The following IGSF11 variants were observed in gnomAD, a reference collection of about 807,000 sequenced individuals.
The protein encoded by IGSF11 is CXADR like 1.
In IGSF11, 22 loss-of-function variants were observed where a neutral mutation model predicts 41.0. That is an observed-to-expected ratio of 0.54 (90% CI 0.38 to 0.77). The LOEUF (loss-of-function observed/expected upper bound fraction) is 0.77, where lower values mean the gene tolerates loss of function less well. Ranked by LOEUF, IGSF11 falls within the 30% of genes least tolerant of loss-of-function variation. The probability of loss-of-function intolerance (pLI) is 0.00; values close to 1 mark genes in which losing one functional copy is unlikely to be tolerated. For missense variants in IGSF11, 444 were observed against 530.8 expected, an observed-to-expected ratio of 0.84 and a Z score of 1.61; for synonymous variants, 219 against 201.3, an observed-to-expected ratio of 1.09 and a Z score of -0.74.
intron 1 of IGSF11, among the ~76,000 whole-genome samples, chr3:119,055,731 C>A (rs1402760339): frequency 2.6e-5 from 4 of 152,174 alleles, no homozygotes; most frequent in Non-Finnish European, 4.4e-5. Context: ...GTAAAGCACT[C>A]CTCAGCAAAT....
intron 1 of IGSF11, among the ~76,000 whole-genome samples, chr3:119,050,214 C>G (rs1017084103): frequency 3.3e-5 from 5 of 151,826 alleles, no homozygotes; most frequent in African/African-American, 1.2e-4. Flanking sequence ...GAACAGGCAA[C>G]CTACAAAATG....
At chr3:119,001,080 G>A (rs957192039) in intron 1 of IGSF11, among the ~76,000 whole-genome samples, 1 of 152,004 alleles carries the variant, frequency 6.6e-6, no homozygotes, top group East Asian at 1.9e-4. Flanking sequence ...TGTACTGGCT[G>A]TCTCTCTGTC....
intron 4 of IGSF11, among the ~76,000 whole-genome samples, chr3:118,909,559 A>T (rs1352562403): frequency 2.0e-5 from 3 of 152,226 alleles, no homozygotes; most frequent in Non-Finnish European, 4.4e-5. Flanking sequence ...ATTTTATTTC[A>T]TTTTGTGTTG....
At position 118,949,884 on chromosome 3, in the gene IGSF11, G is replaced by A. The variant is rs1236593064; in HGVS notation, c.53-19609C>T. On this transcript the variant is annotated intron_variant, in intron 1 of 6. Transcript: ENST00000393775. ...AAGCCTCTGCATACCTTCCCTTAGG[G>A]AAAAGTGATGAATTTACTCTAATGG... Among the ~76,000 whole-genome samples the A allele has an allele frequency of 3.9e-5, 6 of 152,214 alleles. No homozygotes were observed. In the East Asian group the frequency reaches 1.2e-3, roughly 29 times the overall value.
Position 119,105,034 on chromosome 3 carries a change from A to G in IGSF11, c.49+110T>C. The stretch of plus-strand genomic sequence containing the variant: ...GAAATGGAAGATTTTTTTTAGTAGT[A>G]GGAGAATATACATAGAAGTTAGTAT... On this transcript the variant is annotated intron_variant, in intron 1 of 6. Transcript: ENST00000354673. 3 of 623,210 alleles carry G rather than the reference A, an allele frequency of 4.8e-6. No homozygotes were observed. In the South Asian group the frequency reaches 7.4e-5, roughly 15 times the overall value. 38.6% of individuals were successfully genotyped at this position (623,210 alleles called of 1,614,324 possible). A position where few individuals can be genotyped will look rare whatever the true frequency, so the allele number is the denominator to read the frequency against.
intron 4 of IGSF11, among the ~76,000 whole-genome samples, chr3:118,925,650 C>A (rs1942223737): frequency 6.6e-6 from 1 of 152,142 alleles, no homozygotes; most frequent in Admixed American, 6.6e-5. Flanking sequence ...TGACCTGAGG[C>A]CTTTTCCTTT....
At chr3:119,133,646 G>C (rs907946843) in intron 1 of IGSF11, among the ~76,000 whole-genome samples, 1 of 152,172 alleles carries the variant, frequency 6.6e-6, no homozygotes, top group African/African-American at 2.4e-5. Flanking sequence ...GAGGTACAAA[G>C]AGGAGCTGGT....
chr3:119,029,387 A>T (rs1213158912), intron 1 of IGSF11, among the ~76,000 whole-genome samples: 2 of 152,156 alleles, frequency 1.3e-5, no homozygotes, highest in Non-Finnish European at 2.9e-5. Context: ...GCATATAACT[A>T]TGCCCACACT....
chr3:119,032,160 T>C (rs1940462899), intron 1 of IGSF11, among the ~76,000 whole-genome samples: 1 of 152,210 alleles, frequency 6.6e-6, no homozygotes, highest in Non-Finnish European at 1.5e-5. Context: ...TATTTCTACC[T>C]TTGGTGTATC....
chr3:118,969,874 G>A (rs1329484115), intron 1 of IGSF11, among the ~76,000 whole-genome samples: 3 of 152,154 alleles, frequency 2.0e-5, no homozygotes, highest in Non-Finnish European at 4.4e-5. Flanking sequence ...TCTCCTACAG[G>A]CAGGTCTACC....
At chr3:119,016,665 T>G (rs1938721316) in intron 1 of IGSF11, among the ~76,000 whole-genome samples, 1 of 152,146 alleles carries the variant, frequency 6.6e-6, no homozygotes, top group South Asian at 2.1e-4. Flanking sequence ...AGAGCTGAAA[T>G]GATAAACGTG....
intron 1 of IGSF11, among the ~76,000 whole-genome samples, chr3:119,086,918 C>T (rs907137649): frequency 6.6e-6 from 1 of 152,268 alleles, no homozygotes; most frequent in Non-Finnish European, 1.5e-5. Context: ...TAACCTTGAA[C>T]ATAAATGGGC....
At chr3:119,040,710 T>C (rs1941086813) in intron 1 of IGSF11, among the ~76,000 whole-genome samples, 1 of 152,232 alleles carries the variant, frequency 6.6e-6, no homozygotes, top group African/African-American at 2.4e-5. Flanking sequence ...TCTCAGTGTC[T>C]TTAACAGATC....
chr3:119,038,356 T>G (rs1201062412), upstream of IGSF11, among the ~76,000 whole-genome samples: 2 of 152,210 alleles, frequency 1.3e-5, no homozygotes, highest in Non-Finnish European at 2.9e-5. Flanking sequence ...TTCTTCCCAC[T>G]CCTCTGTCAA....
intron 1 of IGSF11, among the ~76,000 whole-genome samples, chr3:119,083,441 C>T (rs1038511461): frequency 6.6e-6 from 1 of 151,926 alleles, no homozygotes; most frequent in Non-Finnish European, 1.5e-5. Flanking sequence ...CACCTCCTTT[C>T]CTATCCCTCC....
In IGSF11 at chr3:119,045,933, C is replaced by T. The variant is rs1028027277; in HGVS notation, c.49+59211G>A. 2.4e-4 allele frequency among the ~76,000 whole-genome samples: 37 copies of T among 151,970 alleles called. 1 individual carries two copies. Among genetic ancestry groups the T allele is most frequent in the African/African-American group, 8.9e-4 (37 of 41,366 alleles). On this transcript the variant is annotated intron_variant, in intron 1 of 6. Coordinates refer to the IGSF11 transcript ENST00000354673. ...CTCCAACAGACCTGCAGCTGAGGGT[C>T]CTGTCTGTTAGAAGGAAAACTAACA...
At chr3:119,074,965 G>C (rs748788708) in intron 1 of IGSF11, among the ~76,000 whole-genome samples, 45 of 152,188 alleles carry the variant, frequency 3.0e-4, no homozygotes, top group Non-Finnish European at 4.0e-4. Flanking sequence ...GCTGGCAAAA[G>C]AAAAGAAATA....
At chr3:119,066,419 T>A (rs958025462) in intron 1 of IGSF11, among the ~76,000 whole-genome samples, 2 of 152,244 alleles carry the variant, frequency 1.3e-5, no homozygotes, top group Admixed American at 1.3e-4. Flanking sequence ...TATTCTCAGC[T>A]GTAATCTCTT....
intron 1 of IGSF11, among the ~76,000 whole-genome samples, chr3:118,974,345 C>A (rs988927163): frequency 6.6e-6 from 1 of 152,106 alleles, no homozygotes; most frequent in African/African-American, 2.4e-5. Context: ...AGATAATAAT[C>A]TTTACCTGAG....
Sources: gnomAD v4.1 joint callset for allele counts (sites outside exome capture counted in the v4.1 genomes callset) on GRCh38, gnomAD v4.1.1 for gene constraint, MANE v1.5 for transcripts, NCBI Gene and HGNC (gene_info 2026-07-23, HGNC 2026-07-21) for gene names.